The following GLIS1 variants were observed in gnomAD, a reference collection of about 807,000 sequenced individuals.
GLIS1 encodes GLIS family zinc finger 1.
In GLIS1, 24 loss-of-function variants were observed where a neutral mutation model predicts 63.8. The ratio of observed to expected loss-of-function variants is 0.38; its 90% CI spans 0.27 to 0.53. The LOEUF (loss-of-function observed/expected upper bound fraction) is 0.53. Among genes scored for constraint, GLIS1 ranks in the 20% least tolerant of loss-of-function variants. The pLI, the probability that GLIS1 is intolerant of heterozygous loss-of-function variation, is 0.85. For missense variants in GLIS1, 1,036 were observed against 1,074.1 expected (o/e 0.96, Z 0.50); for synonymous variants, 450 against 482.5 (o/e 0.93, Z 0.88).
chr1:53,664,282 A>G (rs1216438337), intron 2 of GLIS1, among the ~76,000 whole-genome samples: 3 of 152,050 alleles, frequency 2.0e-5, no homozygotes, highest in Non-Finnish European at 4.4e-5. Context: ...CCTGCCTCCC[A>G]CACACCCCCT....
At chr1:53,662,355 G>A (rs1466197022) in intron 2 of GLIS1, among the ~76,000 whole-genome samples, 1 of 152,306 alleles carries the variant, frequency 6.6e-6, no homozygotes, top group Admixed American at 6.5e-5. Flanking sequence ...ATCCCTTGCC[G>A]TCTATTGAAA....
Position 53,554,216 on chromosome 1 carries a change from C to T in GLIS1, c.1321-24264G>A, listed in dbSNP as rs115067153. ...TCTCATCTAAGCATCCCCCAAACAA[C>T]GGAGACAGGGCACTCATGACAACCT... On this transcript the variant is annotated intron_variant, in intron 4 of 10. Transcript: ENST00000628545. Among the ~76,000 whole-genome samples the T allele has an allele frequency of 2.7e-3, 418 of 152,310 alleles. 2 individuals are homozygous for T. The highest frequency in any genetic ancestry group is 9.6e-3 in the African/African-American group (398 of 41,572).
chr1:53,668,344 T>C (rs1415065815), intron 2 of GLIS1, among the ~76,000 whole-genome samples: 1 of 152,198 alleles, frequency 6.6e-6, no homozygotes, highest in Non-Finnish European at 1.5e-5. Flanking sequence ...GTATTTTTAC[T>C]CTACCTTTCC....
At chr1:53,538,428 G>A (rs897793700) in intron 4 of GLIS1, among the ~76,000 whole-genome samples, 3 of 152,184 alleles carry the variant, frequency 2.0e-5, no homozygotes, top group Non-Finnish European at 4.4e-5. Flanking sequence ...AACCCCTATT[G>A]TTACAGAGGT....
At chr1:53,523,049 A>G (rs779535296) in intron 6 of GLIS1, among the ~76,000 whole-genome samples, 7 of 141,330 alleles carry the variant, frequency 5.0e-5, no homozygotes, top group Non-Finnish European at 9.0e-5. Flanking sequence ...GTGCAGTCCA[A>G]CTCCTGGGCT....
rs145375877 is a variant in GLIS1, at chr1:53,594,277, T to C, written c.1151A>G (p.Gln384Arg). ...WVDCCAAYEQ[Q>R]EELVRHIEKS... The stretch of plus-strand genomic sequence containing the variant: ...CTCGATGTGCCGCACCAGCTCCTCC[T>C]GCTGCTCATAGGCTGCACAGCAGTC... Residue 384 changes from glutamine to arginine, a missense_variant, in exon 4 of 11, where the codon CAG becomes CGG. By Grantham distance (43) the Gln-to-Arg change is conservative. Transcript: ENST00000628545. The C allele has an allele frequency of 1.2e-6, 2 of 1,613,284 alleles. No homozygotes were observed. The highest frequency in any genetic ancestry group is 3.3e-5 in the Admixed American group (2 of 60,026).
intron 2 of GLIS1, among the ~76,000 whole-genome samples, chr1:53,636,974 C>G (rs1382926842): frequency 2.0e-5 from 3 of 152,230 alleles, no homozygotes; most frequent in African/African-American, 2.4e-5. Context: ...TAGCCCCTCA[C>G]GTACAACAGG....
intron 4 of GLIS1, among the ~76,000 whole-genome samples, chr1:53,577,057 C>T (rs1027311554): frequency 6.6e-6 from 1 of 151,872 alleles, no homozygotes; most frequent in Non-Finnish European, 1.5e-5. Context: ...TTCTTCCTCC[C>T]TCCCCCAATA....
intron 2 of GLIS1, among the ~76,000 whole-genome samples, chr1:53,632,377 G>GAA (rs1645664558): frequency 2.0e-5 from 3 of 148,136 alleles, no homozygotes; most frequent in South Asian, 2.2e-4. Context: ...TGAGGGGTGT[G>GAA]TGAGTGTGAC....
intron 2 of GLIS1, among the ~76,000 whole-genome samples, chr1:53,721,986 A>C (rs1449187404): frequency 6.6e-6 from 1 of 152,246 alleles, no homozygotes; most frequent in Non-Finnish European, 1.5e-5. Context: ...TAAAATATTC[A>C]GATGCCCAAC....
intron 2 of GLIS1, among the ~76,000 whole-genome samples, chr1:53,732,762 A>T (rs1646875962): frequency 6.6e-6 from 1 of 151,666 alleles, no homozygotes; most frequent in South Asian, 2.1e-4. Context: ...GAAACCACAC[A>T]ATTCTCTAGG....
At chr1:53,537,780 C>T (rs1050514422) in intron 4 of GLIS1, among the ~76,000 whole-genome samples, 2 of 152,102 alleles carry the variant, frequency 1.3e-5, no homozygotes, top group Admixed American at 1.3e-4. Context: ...GGCACGGGGG[C>T]AGGGGAGGAA....
rs77195406 is a variant in GLIS1 at position 53,594,141 on chromosome 1, T to C, written c.1287A>G (p.Arg429=). Reference sequence around the variant, plus strand: ...TGTTGGGCTTCTCGCCCGAGTGCACTCGCATGTGGATGAGCAGCTTGTAGC... The same window carrying C: ...TGTTGGGCTTCTCGCCCGAGTGCACCCGCATGTGGATGAGCAGCTTGTAGC... The part of the protein sequence containing the change: ...NARYKLLIHM[R]VHSGEKPNKC... Residue 429 remains arginine, a synonymous_variant, in exon 4 of 11, where the codon CGA becomes CGG. Transcript: ENST00000628545. 403 of 1,613,216 alleles carry C rather than the reference T, an allele frequency of 2.5e-4. 1 individual carries two copies. In the African/African-American group the frequency reaches 4.9e-3, roughly 20 times the overall value.
intron 2 of GLIS1, among the ~76,000 whole-genome samples, chr1:53,701,664 G>A (rs932994827): frequency 7.9e-5 from 12 of 152,284 alleles, no homozygotes; most frequent in South Asian, 2.1e-4. Flanking sequence ...TGCCTCCTAC[G>A]TAGAGACACT....
chr1:53,674,685 T>C (rs193196701), intron 2 of GLIS1, among the ~76,000 whole-genome samples: 10 of 152,294 alleles, frequency 6.6e-5, no homozygotes, highest in African/African-American at 2.4e-4. Flanking sequence ...AAAGGCATGT[T>C]AACCTGAGGA....
At chr1:53,615,169 C>G (rs10888797) in intron 2 of GLIS1, among the ~76,000 whole-genome samples, 33,253 of 151,998 alleles carry the variant, frequency 0.22, 3,763 homozygotes, top group East Asian at 0.39. Flanking sequence ...AGTAATTTGA[C>G]GGCAGGGGTC....
At chr1:53,528,002 G>A (rs1435623797) in intron 5 of GLIS1, among the ~76,000 whole-genome samples, 4 of 152,192 alleles carry the variant, frequency 2.6e-5, no homozygotes, top group Non-Finnish European at 5.9e-5. Flanking sequence ...GTCAGGGAAG[G>A]TGGCCCGAGA....
chr1:53,663,679 C>T (rs1646055376), intron 2 of GLIS1, among the ~76,000 whole-genome samples: 1 of 152,180 alleles, frequency 6.6e-6, no homozygotes, highest in Non-Finnish European at 1.5e-5. Flanking sequence ...GAGGAGCAAA[C>T]ACTGGTGAGT....
At chr1:53,541,657 A>C (rs1369193486) in intron 4 of GLIS1, among the ~76,000 whole-genome samples, 3 of 152,218 alleles carry the variant, frequency 2.0e-5, no homozygotes, top group Non-Finnish European at 4.4e-5. Context: ...CACACACACA[A>C]ACCAAAGGAA....
Sources: allele counts gnomAD v4.1 joint callset (sites outside exome capture counted in the v4.1 genomes callset), GRCh38; gene constraint gnomAD v4.1.1; transcripts MANE v1.5; gene names NCBI Gene and HGNC (gene_info 2026-07-23, HGNC 2026-07-21).